SNTB2: variants seen among roughly 807,000 people sequenced by gnomAD.
SNTB2 encodes the protein syntrophin beta 2.
SNTB2 carries 34 observed loss-of-function variants against 46.2 expected under a neutral mutation model. The ratio of observed to expected loss-of-function variants is 0.74; its 90% CI spans 0.56 to 0.98. SNTB2 has a LOEUF of 0.98. Ranked by LOEUF, SNTB2 falls within the 50% of genes least tolerant of loss-of-function variation. SNTB2 has a pLI of 0.00. For missense variants in SNTB2, 603 were observed against 731.4 expected (o/e 0.82, Z 2.02); for synonymous variants, 290 against 312.6 (o/e 0.93, Z 0.76).
At chr16:69,243,148 A>G (rs374260572) in intron 1 of SNTB2, among the ~76,000 whole-genome samples, 1 of 152,168 alleles carries the variant, frequency 6.6e-6, no homozygotes, top group Admixed American at 6.5e-5. Flanking sequence ...ATCTTCAACT[A>G]TCAGGAAAAA....
chr16:69,284,205 T>C lies in SNTB2; in HGVS notation c.1306T>C (p.Cys436Arg), dbSNP rs1431455819. The change falls in exon 5 of 7, where the codon TGC (cysteine) becomes CGC (arginine). Residue 436 changes from cysteine (C) to arginine (R), a missense_variant. Cys to Arg is a radical substitution (Grantham distance 180). This residue lies in a region of SNTB2 where 537 missense variants were observed against 692.4 expected (regional missense o/e 0.78). Coordinates refer to ENST00000336278, the MANE Select transcript of SNTB2 (RefSeq NM_006750.4). ...CTGGACCAGGATACTTGTTCAGGGT[T>C]GCCATGCTGCTGCTGAGCTGATCAA... ...SSWTRILVQG[C>R]HAAAELIKEV... is the part of the protein sequence containing the mutation. 4 of 1,613,880 alleles carry C rather than the reference T, an allele frequency of 2.5e-6. No individual in the cohort carries two copies. Among genetic ancestry groups the C allele is most frequent in the African/African-American group, 2.7e-5 (2 of 75,012 alleles).
intron 2 of SNTB2, among the ~76,000 whole-genome samples, chr16:69,246,258 T>G (rs1425324865): frequency 2.6e-5 from 4 of 151,978 alleles, no homozygotes; most frequent in Non-Finnish European, 4.4e-5. Flanking sequence ...TTATTGAGAG[T>G]TTTTAGCATG....
intron 1 of SNTB2, among the ~76,000 whole-genome samples, chr16:69,218,859 A>G (rs1224884548): frequency 6.6e-6 from 1 of 152,230 alleles, no homozygotes; most frequent in African/African-American, 2.4e-5. Context: ...TTGCAACTCC[A>G]GACATCTTAT....
In SNTB2 at chr16:69,284,052, G is replaced by T; in HGVS notation, c.1153G>T (p.Val385Phe). ...CTGCTCTGTTTGTGGTCCTAGGTTG[G>T]TTCATTCTGGCTCCGGATGTCGATC... ...HSYPLVATRLVHSGSGCRSPS... is the reference protein window; with the variant it reads ...HSYPLVATRLFHSGSGCRSPS... The change falls in exon 5 of 7, where the codon GTT (valine) becomes TTT (phenylalanine). Residue 385 changes from valine to phenylalanine, a missense_variant. By Grantham distance (50) the Val-to-Phe change is conservative. Around this residue, in one of 2 missense-constraint regions of SNTB2, gnomAD observed 537 missense variants for 692.4 expected, o/e 0.78. Transcript: ENST00000336278. The T allele has an allele frequency of 6.2e-7, 1 of 1,610,282 alleles. No individual in the cohort carries two copies. The highest frequency in any genetic ancestry group is 8.5e-7 in the Non-Finnish European group (1 of 1,177,552).
chr16:69,297,325 A>C lies in SNTB2; in HGVS notation c.1346-2265A>C, dbSNP rs915714111. Among the ~76,000 whole-genome samples, 16 of 150,042 alleles carry C rather than the reference A, an allele frequency of 1.1e-4. No homozygotes were observed. The South Asian group carries it at 1.7e-3, about 16-fold the overall frequency. ...CTATCTCAAAAAAAAAAAAAAAAAA[A>C]AAAAAAAAAGGAGGCCGGGCACGGT... On this transcript the variant is annotated intron_variant, in intron 5 of 6. Coordinates refer to ENST00000336278, the MANE Select transcript of SNTB2 (RefSeq NM_006750.4).
intron 5 of SNTB2, among the ~76,000 whole-genome samples, chr16:69,293,378 A>G (rs1965192819): frequency 6.6e-6 from 1 of 152,218 alleles, no homozygotes; most frequent in Admixed American, 6.5e-5. Context: ...GAATAGAGAA[A>G]TAGAAGCTGA....
At chr16:69,237,603 C>CTTTTTTTTTTTTTTTTTTTTTTTTTTTTT (rs397706857) in intron 1 of SNTB2, among the ~76,000 whole-genome samples, 1 of 118,770 alleles carries the variant, frequency 8.4e-6, no homozygotes, top group African/African-American at 3.3e-5. Flanking sequence ...TTCTTTCTTT[C>CTTTTTTTTTTTTTTTTTTTTTTTTTTTTT]TTTTTTTTTT....
Position 69,187,180 on chromosome 16 carries a change from C to A in SNTB2, c.14C>A (p.Ala5Glu). The A allele has an allele frequency of 7.3e-7, 1 of 1,371,352 alleles. No individual in the cohort carries two copies. The highest frequency in any genetic ancestry group is 9.4e-7 in the Non-Finnish European group (1 of 1,059,666). 84.9% of individuals were successfully genotyped at this position (1,371,352 alleles called of 1,614,324 possible). Reference protein sequence around the residue: MRVAAATAAAGAGPA... With the variant: MRVAEATAAAGAGPA... Reference sequence around the variant, plus strand: ...TGCCTGACTGGAATGAGGGTAGCTGCGGCGACTGCGGCGGCTGGAGCGGGG... The same window carrying A: ...TGCCTGACTGGAATGAGGGTAGCTGAGGCGACTGCGGCGGCTGGAGCGGGG... Residue 5 changes from alanine to glutamate, a missense_variant, in exon 1 of 7, where the codon GCG (alanine) becomes GAG (glutamate). Physicochemically the swap from Ala to Glu is moderately radical, Grantham distance 107 (BLOSUM62 -1). Transcript: ENST00000336278.
At chr16:69,262,821 C>T (rs1401756880) in intron 3 of SNTB2, among the ~76,000 whole-genome samples, 5 of 151,946 alleles carry the variant, frequency 3.3e-5, no homozygotes, top group African/African-American at 1.2e-4. Context: ...GGATTACAGG[C>T]ACATGCCACC....
intron 1 of SNTB2, among the ~76,000 whole-genome samples, chr16:69,233,539 T>C (rs1964528322): frequency 6.6e-6 from 1 of 152,134 alleles, no homozygotes; most frequent in South Asian, 2.1e-4. Context: ...TGGATGTGCT[T>C]ATATATGGCA....
chr16:69,261,305 C>A (rs565890161), intron 3 of SNTB2, among the ~76,000 whole-genome samples: 6 of 149,158 alleles, frequency 4.0e-5, no homozygotes, highest in Non-Finnish European at 8.9e-5. Flanking sequence ...CAACATAGTT[C>A]TAACTTTTTT....
chr16:69,265,091 T>A (rs867983270), intron 3 of SNTB2, among the ~76,000 whole-genome samples: 1 of 151,928 alleles, frequency 6.6e-6, no homozygotes, highest in Non-Finnish European at 1.5e-5. Context: ...CTACTAAAAA[T>A]ACAAAAAATT....
intron 2 of SNTB2, among the ~76,000 whole-genome samples, chr16:69,246,363 G>T (rs936272582): frequency 1.4e-4 from 21 of 151,756 alleles, no homozygotes; most frequent in Non-Finnish European, 2.5e-4. Flanking sequence ...TGGATTACAT[G>T]TATTGATTTG....
intron 4 of SNTB2, among the ~76,000 whole-genome samples, chr16:69,283,623 C>T (rs1447613393): frequency 6.6e-6 from 1 of 152,142 alleles, no homozygotes; most frequent in African/African-American, 2.4e-5. Flanking sequence ...GCATATTTTT[C>T]CTCTGAAGTT....
At chr16:69,232,529 T>TG (rs1416983450) in intron 1 of SNTB2, among the ~76,000 whole-genome samples, 2 of 134,200 alleles carry the variant, frequency 1.5e-5, no homozygotes, top group Admixed American at 7.6e-5. Context: ...TTTTTTTTTT[T>TG]GGAGACGGAG....
intron 1 of SNTB2, among the ~76,000 whole-genome samples, chr16:69,225,884 C>T (rs927555097): frequency 1.3e-5 from 2 of 151,868 alleles, no homozygotes; most frequent in African/African-American, 2.4e-5. Flanking sequence ...TCTCCTACCT[C>T]GGCCTCCTGA....
chr16:69,281,485 G>GTTTT (rs575825315), intron 4 of SNTB2, among the ~76,000 whole-genome samples: 4 of 135,836 alleles, frequency 2.9e-5, no homozygotes, highest in Admixed American at 7.4e-5. Flanking sequence ...GTAAGGTCTG[G>GTTTT]TTTTTTTTTT....
intron 1 of SNTB2, among the ~76,000 whole-genome samples, chr16:69,234,852 G>A (rs942071413): frequency 1.5e-4 from 23 of 151,970 alleles, no homozygotes; most frequent in African/African-American, 5.6e-4. Flanking sequence ...ACAGATGCCC[G>A]TCACCATGCC....
chr16:69,289,162 G>A (rs1464484956), intron 5 of SNTB2, among the ~76,000 whole-genome samples: 7 of 151,792 alleles, frequency 4.6e-5, no homozygotes, highest in East Asian at 3.9e-4. Flanking sequence ...CCTGCTACTC[G>A]GGAGGCTGAG....
Sources: gnomAD v4.1 joint callset for allele counts (sites outside exome capture counted in the v4.1 genomes callset) on GRCh38, gnomAD v4.1.1 for gene constraint, gnomAD v4.1.1 regional missense constraint, MANE v1.5 for transcripts, NCBI Gene and HGNC (gene_info 2026-07-23, HGNC 2026-07-21) for gene names.